Variants in KALRN observed in about 807,000 individuals in gnomAD.
KALRN encodes kalirin.
Under a neutral mutation model 353.7 loss-of-function variants are expected in KALRN, and 70 were observed. That is an observed-to-expected ratio of 0.20 (90% CI 0.16 to 0.24). The LOEUF (loss-of-function observed/expected upper bound fraction) is 0.24. Among genes scored for constraint, KALRN ranks in the 10% least tolerant of loss-of-function variants. The probability of loss-of-function intolerance (pLI) is 1.00; values close to 1 mark genes in which losing one functional copy is unlikely to be tolerated. For synonymous variants in KALRN, 1,391 were observed against 1,434.8 expected (o/e 0.97, Z 0.69); for missense variants, 2,791 against 3,756.7 (o/e 0.74, Z 6.72).
intron 49 of KALRN, among the ~76,000 whole-genome samples, chr3:124,675,869 A>G (rs1483625801): frequency 2.0e-5 from 3 of 152,190 alleles, no homozygotes; most frequent in South Asian, 4.1e-4. Flanking sequence ...CAGTGGCACC[A>G]GCATAACTGC....
chr3:124,055,586 T>C (rs929786428), intron 1 of KALRN, among the ~76,000 whole-genome samples: 1 of 152,222 alleles, frequency 6.6e-6, no homozygotes, highest in Non-Finnish European at 1.5e-5. Flanking sequence ...GGCCTGTTTG[T>C]GATTTCCCCC....
chr3:124,700,803 T>A (rs2062286507), intron 56 of KALRN, among the ~76,000 whole-genome samples: 2 of 151,680 alleles, frequency 1.3e-5, no homozygotes, highest in African/African-American at 4.9e-5. Context: ...AATTCTGGAG[T>A]CTCCAGAGGG....
intron 33 of KALRN, among the ~76,000 whole-genome samples, chr3:124,528,220 CAG>C (rs1186474859): frequency 6.6e-6 from 1 of 152,148 alleles, no homozygotes; most frequent in Non-Finnish European, 1.5e-5. Flanking sequence ...AGTACAAGGA[CAG>C]AGAAAGTCCC....
intron 3 of KALRN, among the ~76,000 whole-genome samples, chr3:124,251,679 A>T (rs961394188): frequency 2.6e-5 from 4 of 152,062 alleles, no homozygotes; most frequent in Admixed American, 6.6e-5. Context: ...TCTTTTTGAG[A>T]GGACTTGATT....
At chr3:124,439,948 C>A (rs2093618007) in intron 18 of KALRN, among the ~76,000 whole-genome samples, 1 of 152,216 alleles carries the variant, frequency 6.6e-6, no homozygotes, top group Non-Finnish European at 1.5e-5. Flanking sequence ...AATTTTTATA[C>A]CCTGACATGT....
At chr3:124,520,360 A>G (rs1487953160) in intron 33 of KALRN, among the ~76,000 whole-genome samples, 1 of 152,166 alleles carries the variant, frequency 6.6e-6, no homozygotes, top group Non-Finnish European at 1.5e-5. Context: ...AAATCTCAAA[A>G]TCTCATTAGG....
chr3:124,060,258 G>C (rs1435005108), intron 1 of KALRN, among the ~76,000 whole-genome samples: 1 of 152,186 alleles, frequency 6.6e-6, no homozygotes, highest in East Asian at 1.9e-4. Context: ...TAGAGCATTT[G>C]GGGTGGGGGC....
chr3:124,401,532 A>G (rs2090868196), intron 13 of KALRN, among the ~76,000 whole-genome samples: 1 of 152,100 alleles, frequency 6.6e-6, no homozygotes, highest in Non-Finnish European at 1.5e-5. Context: ...AAACAAATAA[A>G]TTATTGGATT....
chr3:124,692,045 G>A (rs1276882803), intron 51 of KALRN, among the ~76,000 whole-genome samples: 1 of 152,140 alleles, frequency 6.6e-6, no homozygotes, highest in Non-Finnish European at 1.5e-5. Flanking sequence ...CTTTCATCAG[G>A]TTCATTAAAC....
chr3:124,704,752 G>A (rs1056029562), intron 57 of KALRN, among the ~76,000 whole-genome samples: 1 of 152,062 alleles, frequency 6.6e-6, no homozygotes, highest in Non-Finnish European at 1.5e-5. Flanking sequence ...ATTTCACCAT[G>A]TTGCCCAGGG....
At chr3:124,237,970 G>A (rs1238242411) in intron 3 of KALRN, among the ~76,000 whole-genome samples, 1 of 152,072 alleles carries the variant, frequency 6.6e-6, no homozygotes, top group Non-Finnish European at 1.5e-5. Flanking sequence ...CCATTTGGGG[G>A]ACCATTTTAG....
intron 1 of KALRN, among the ~76,000 whole-genome samples, chr3:124,160,308 C>T (rs2069711750): frequency 6.6e-6 from 1 of 151,864 alleles, no homozygotes; most frequent in South Asian, 2.1e-4. Context: ...CCAAGCCATC[C>T]CTGCAATGTG....
At chr3:124,648,734 G>A (rs1015993434) in intron 37 of KALRN, among the ~76,000 whole-genome samples, 5 of 152,148 alleles carry the variant, frequency 3.3e-5, no homozygotes, top group African/African-American at 1.2e-4. Context: ...GAAGTAAAAG[G>A]CATGTAATCA....
chr3:124,706,878 C>T (rs957230142), intron 57 of KALRN, among the ~76,000 whole-genome samples: 1 of 151,970 alleles, frequency 6.6e-6, no homozygotes. Flanking sequence ...CCACCAAACA[C>T]GTTTTTATTC....
chr3:124,545,006 A>G (rs998175813), intron 33 of KALRN, among the ~76,000 whole-genome samples: 1 of 152,174 alleles, frequency 6.6e-6, no homozygotes, highest in African/African-American at 2.4e-5. Flanking sequence ...CAGGTACTAG[A>G]GGATGTTTGT....
chr3:124,187,544 T>C (rs576838925), intron 1 of KALRN, among the ~76,000 whole-genome samples: 1 of 152,286 alleles, frequency 6.6e-6, no homozygotes, highest in Non-Finnish European at 1.5e-5. Flanking sequence ...TAAGTTTCTA[T>C]TCCCCTGGAG....
At chr3:124,497,928 A>G (rs2108584646) in intron 33 of KALRN, among the ~76,000 whole-genome samples, 1 of 152,352 alleles carries the variant, frequency 6.6e-6, no homozygotes, top group South Asian at 2.1e-4. Context: ...GGAAGACCTC[A>G]GCTCCAGCTA....
chr3:124,697,030 C>T (rs113027161), intron 54 of KALRN, among the ~76,000 whole-genome samples: 8 of 152,330 alleles, frequency 5.3e-5, no homozygotes, highest in African/African-American at 1.9e-4. Flanking sequence ...AGCTATCCTC[C>T]CACCTCAGCC....
At position 124,719,353 on chromosome 3, in the gene KALRN, C is replaced by T; in HGVS notation, c.8844C>T (p.Ile2948=). The change falls in exon 60 of 60, where the codon ATC becomes ATT. Residue 2948 remains isoleucine, a synonymous_variant. Transcript: ENST00000682506. The surrounding 1 kb of genome is among the most constrained non-coding windows in gnomAD (Gnocchi z 5.3). ...LQPHNGSYSK[I]PLDTSRLACF... Reference sequence around the variant, plus strand: ...CCCATAATGGCAGCTACTCTAAGATCCCCCTGGACACCTCCCGCCTAGCAT... The same window carrying T: ...CCCATAATGGCAGCTACTCTAAGATTCCCCTGGACACCTCCCGCCTAGCAT... 6.2e-7 allele frequency: 1 copy of T among 1,614,224 alleles called. No homozygotes were observed. Among genetic ancestry groups the T allele is most frequent in the African/African-American group, 1.3e-5 (1 of 75,052 alleles).
Sources: allele counts gnomAD v4.1 joint callset (sites outside exome capture counted in the v4.1 genomes callset), GRCh38; gene constraint gnomAD v4.1.1; non-coding constraint Gnocchi (gnomAD v3.1); transcripts MANE v1.5; gene names NCBI Gene and HGNC (gene_info 2026-07-23, HGNC 2026-07-21).